Variants in RIPK2 observed in about 807,000 individuals in gnomAD.
RIPK2 encodes the protein receptor interacting serine/threonine kinase 2.
In RIPK2, 38 loss-of-function variants were observed where a neutral mutation model predicts 60.9. That is an observed-to-expected ratio of 0.62 (90% CI 0.48 to 0.82). RIPK2 has a LOEUF of 0.82. Ranked by LOEUF, RIPK2 falls within the 40% of genes least tolerant of loss-of-function variation. The pLI is 0.00. For synonymous variants in RIPK2, 225 were observed against 223.4 expected (o/e 1.01, Z -0.06); for missense variants, 518 against 647.0 (o/e 0.80, Z 2.16).
rs139595905 is a variant in RIPK2, at chr8:89,787,652, A to G, written c.1123+966A>G. Among the ~76,000 whole-genome samples the G allele has an allele frequency of 9.8e-5, 15 of 152,370 alleles. No individual in the cohort carries two copies. The East Asian group carries it at 2.9e-3, about 29-fold the overall frequency. On this transcript the variant is annotated intron_variant, in intron 9 of 10. Transcript: ENST00000220751. ...AGTAAGAGCTAAGTAGATTGGAGTC[A>G]TATCATCAAGAATTCTAACTTTCAG...
At chr8:89,764,467 A>G (rs1277759420) in intron 2 of RIPK2, among the ~76,000 whole-genome samples, 1 of 152,186 alleles carries the variant, frequency 6.6e-6, no homozygotes, top group Non-Finnish European at 1.5e-5. Flanking sequence ...TTGTACTTTC[A>G]GTAGAAGCAG....
At chr8:89,776,326 A>G (rs1809398007) in intron 6 of RIPK2, among the ~76,000 whole-genome samples, 1 of 152,238 alleles carries the variant, frequency 6.6e-6, no homozygotes, top group South Asian at 2.1e-4. Context: ...ACAGTACGAG[A>G]TAATTATGTA....
In RIPK2 at chr8:89,762,844, C is replaced by A; in HGVS notation, c.189C>A (p.Val63=). 6.9e-7 allele frequency: 1 copy of A among 1,443,160 alleles called. No homozygotes were observed. The highest frequency in any genetic ancestry group is 9.3e-7 in the Non-Finnish European group (1 of 1,077,090). The allele number at this position is 1,443,160 out of a possible 1,614,324, so 89.4% of individuals were successfully genotyped here. Residue 63 remains valine (V), a synonymous_variant, in exon 2 of 11, where the codon GTC becomes GTA. Transcript: ENST00000220751. ...TPLLDSERKD[V]LREAEILHKA... is the part of the protein sequence containing the mutation. ...TTTTTCTTAGTGAAAGAAAGGATGT[C>A]TTAAGAGAAGCTGAAATTTTACACA...
intron 2 of RIPK2, 118 bp from the exon 3 acceptor site, chr8:89,765,223 C>T: frequency 1.6e-6 from 1 of 612,500 alleles, no homozygotes; most frequent in Non-Finnish European, 2.7e-6. Context: ...TAAAAATGAG[C>T]ATATGTTTTA....
chr8:89,763,082 TAG>T (rs1809172342), intron 2 of RIPK2, 100 bp downstream of exon 2: 4 of 717,926 alleles, frequency 5.6e-6, no homozygotes, highest in Non-Finnish European at 8.1e-6. Flanking sequence ...TAGGGGTATA[TAG>T]ATGAATCAAA....
chr8:89,768,912 A>T (rs750397595), intron 3 of RIPK2, among the ~76,000 whole-genome samples: 23 of 151,800 alleles, frequency 1.5e-4, no homozygotes, highest in Non-Finnish European at 3.1e-4. Context: ...CACTCTGCTG[A>T]ATTCTAAAGT....
chr8:89,775,321 G>A (rs1301701689), intron 6 of RIPK2, among the ~76,000 whole-genome samples: 6 of 151,910 alleles, frequency 3.9e-5, no homozygotes, highest in African/African-American at 9.7e-5. Flanking sequence ...GACATGGTTC[G>A]TTGCCTGTAA....
chr8:89,782,586 C>T (rs1188366930), intron 7 of RIPK2, among the ~76,000 whole-genome samples: 1 of 151,346 alleles, frequency 6.6e-6, no homozygotes, highest in Non-Finnish European at 1.5e-5. Context: ...AGGAGGATCT[C>T]TTGAGCCCAG....
intron 6 of RIPK2, among the ~76,000 whole-genome samples, chr8:89,775,912 A>G (rs1809389593): frequency 1.3e-5 from 2 of 152,238 alleles, no homozygotes; most frequent in South Asian, 4.1e-4. Context: ...ATATTAAGAA[A>G]AAGCCGAGGA....
intron 1 of RIPK2, chr8:89,759,586 T>G (rs1809111649): frequency 2.8e-6 from 1 of 360,758 alleles, no homozygotes; most frequent in Non-Finnish European, 5.5e-6. Flanking sequence ...TTGGGACACT[T>G]CTAGAGCTTG....
intron 1 of RIPK2, among the ~76,000 whole-genome samples, chr8:89,758,797 T>C (rs7814056): frequency 0.24 from 37,163 of 152,132 alleles, 7,902 homozygotes; most frequent in African/African-American, 0.58. Flanking sequence ...TAATATTTTA[T>C]TATTTGTTTA....
intron 7 of RIPK2, among the ~76,000 whole-genome samples, chr8:89,783,169 T>C (rs1193369918): frequency 6.6e-6 from 1 of 152,188 alleles, no homozygotes; most frequent in African/African-American, 2.4e-5. Flanking sequence ...GAATTCACCA[T>C]TTTCCAAATT....
intron 7 of RIPK2, among the ~76,000 whole-genome samples, chr8:89,782,117 G>A (rs926147643): frequency 6.6e-6 from 1 of 152,018 alleles, no homozygotes; most frequent in African/African-American, 2.4e-5. Flanking sequence ...CTCCAGCCAG[G>A]GTGACAGAGT....
chr8:89,759,429 C>T (rs1809108771), intron 1 of RIPK2: 5 of 455,620 alleles, frequency 1.1e-5, no homozygotes, highest in Admixed American at 7.1e-5. Context: ...ATCCCCGATG[C>T]CTGATTGGCC....
At chr8:89,759,548 C>T in intron 1 of RIPK2, 1 of 386,184 alleles carries the variant, frequency 2.6e-6, no homozygotes, top group Admixed American at 3.0e-5. Flanking sequence ...CACTGTCAGG[C>T]TTCGATGGCC....
chr8:89,784,056 A>C lies in RIPK2; in HGVS notation c.946A>C (p.Ser316Arg). 1 of 1,532,708 alleles carries C rather than the reference A, an allele frequency of 6.5e-7. No individual in the cohort carries two copies. The highest frequency in any genetic ancestry group is 8.9e-7 in the Non-Finnish European group (1 of 1,122,070). 94.9% of individuals were successfully genotyped at this position (1,532,708 alleles called of 1,614,324 possible). Residue 316 changes from serine to arginine, a missense_variant, in exon 8 of 11, where the codon AGT (serine) becomes CGT (arginine). Physicochemically the swap from Ser to Arg is moderately radical, Grantham distance 110. This residue lies in a region of RIPK2 where 448 missense variants were observed against 534.7 expected (regional missense o/e 0.84). Transcript: ENST00000220751. Reference protein sequence around the residue: ...VIQLKKTKLQSVSSAIHLCDK... With the variant: ...VIQLKKTKLQRVSSAIHLCDK... Reference sequence around the variant, plus strand: ...ATTTATGTATTCATTACAGTTACAGAGTGTTTCAAGTGCCATTCACCTATG... The same window carrying C: ...ATTTATGTATTCATTACAGTTACAGCGTGTTTCAAGTGCCATTCACCTATG...
chr8:89,786,592 G>A lies in RIPK2; in HGVS notation c.1030-1G>A. ...AACCCTTTATTTTTTATTTACTTTA[G>A]GAATCATGTGGATCCTCTCAGCTCC... On this transcript the variant is annotated splice_acceptor_variant, in intron 8 of 10. Coordinates refer to ENST00000220751, the MANE Select transcript of RIPK2 (RefSeq NM_003821.6). LOFTEE classifies it high-confidence loss of function. 6.6e-7 allele frequency: 1 copy of A among 1,516,722 alleles called. No homozygotes were observed. Among genetic ancestry groups the A allele is most frequent in the Non-Finnish European group, 9.1e-7 (1 of 1,102,546 alleles). The allele number at this position is 1,516,722 out of a possible 1,614,324, so 94.0% of individuals were successfully genotyped here. A position where few individuals can be genotyped will look rare whatever the true frequency, so the allele number is the denominator to read the frequency against.
intron 6 of RIPK2, among the ~76,000 whole-genome samples, chr8:89,775,298 A>T (rs1311442770): frequency 6.6e-6 from 1 of 152,008 alleles, no homozygotes; most frequent in Non-Finnish European, 1.5e-5. Flanking sequence ...AAAAAAAAAT[A>T]AAAAATTAGC....
In RIPK2 at chr8:89,789,492, T is replaced by C; in HGVS notation, c.1285+10T>C. 1 of 1,611,248 alleles carries C rather than the reference T, an allele frequency of 6.2e-7. No homozygotes were observed. Among genetic ancestry groups the C allele is most frequent in the African/African-American group, 1.3e-5 (1 of 74,994 alleles). ...ACTGCAGGAAACTCAGGTAAATATT[T>C]ACTGTGAAACACCTTGTAAGTGATG... On this transcript the variant is annotated intron_variant, in intron 10 of 10. Transcript: ENST00000220751.
Sources: gnomAD v4.1 joint callset for allele counts (sites outside exome capture counted in the v4.1 genomes callset) on GRCh38, gnomAD v4.1.1 for gene constraint, gnomAD v4.1.1 regional missense constraint, MANE v1.5 for transcripts, NCBI Gene and HGNC (gene_info 2026-07-23, HGNC 2026-07-21) for gene names.